The following DOK6 variants were observed in gnomAD, a reference collection of about 807,000 sequenced individuals.
The protein encoded by DOK6 is downstream of tyrosine kinase 6.
Under a neutral mutation model 44.0 loss-of-function variants are expected in DOK6, and 22 were observed. That is an observed-to-expected ratio of 0.50 (90% CI 0.36 to 0.71). The LOEUF (loss-of-function observed/expected upper bound fraction) is 0.71. DOK6 is among the 30% of genes least tolerant of loss of function. The pLI is 0.00. For missense variants in DOK6, 340 were observed against 416.4 expected (o/e 0.82, Z 1.60); for synonymous variants, 166 against 145.5 (o/e 1.14, Z -1.01).
intron 5 of DOK6, among the ~76,000 whole-genome samples, chr18:69,735,990 G>A (rs748447089): frequency 6.6e-6 from 1 of 152,196 alleles, no homozygotes; most frequent in Non-Finnish European, 1.5e-5. Flanking sequence ...TTTTATAGGT[G>A]AGAAGTTAAT....
At chr18:69,668,850 CTACTCAA>C (rs1240195668) in intron 3 of DOK6, among the ~76,000 whole-genome samples, 1 of 152,182 alleles carries the variant, frequency 6.6e-6, no homozygotes, top group Non-Finnish European at 1.5e-5. Flanking sequence ...CAGCATCTGA[CTACTCAA>C]TAGTTAACAG....
rs533783860 is a variant in DOK6, at chr18:69,504,539, A to G, written c.67-59948A>G. On this transcript the variant is annotated intron_variant, in intron 1 of 7. Transcript: ENST00000382713. ...AGCTAGCTGGGGAATTATATGTACTAGTAACATTTTGCATCCAACGAATAT... is the reference window on the plus strand; with the variant it reads ...AGCTAGCTGGGGAATTATATGTACTGGTAACATTTTGCATCCAACGAATAT... Among the ~76,000 whole-genome samples the G allele has an allele frequency of 9.7e-4, 148 of 152,304 alleles. 1 individual carries two copies. The highest frequency in any genetic ancestry group is 2.7e-3 in the Admixed American group (41 of 15,302).
At position 69,509,500 on chromosome 18, in the gene DOK6, T is replaced by A. The variant is rs759610861; in HGVS notation, c.67-54987T>A. Among the ~76,000 whole-genome samples the A allele has an allele frequency of 4.0e-5, 6 of 151,102 alleles. No individual in the cohort carries two copies. The South Asian group carries it at 1.0e-3, about 26-fold the overall frequency. On this transcript the variant is annotated intron_variant, in intron 1 of 7. Transcript: ENST00000382713. ...AAAAATAGAAAAAATTAGCCGGGCG[T>A]GGTGGCGGGCGCCTTTAGTCCCAGC...
At chr18:69,768,057 C>T (rs1254916195) in intron 7 of DOK6, among the ~76,000 whole-genome samples, 2 of 152,230 alleles carry the variant, frequency 1.3e-5, no homozygotes, top group East Asian at 1.9e-4. Context: ...CTCCATCAAG[C>T]TTCCCCTACT....
At chr18:69,577,008 G>A (rs953083882) in intron 2 of DOK6, among the ~76,000 whole-genome samples, 4 of 152,112 alleles carry the variant, frequency 2.6e-5, no homozygotes, top group Admixed American at 6.6e-5. Flanking sequence ...CCAGAAAAGC[G>A]ATGCTTGTAT....
intron 5 of DOK6, among the ~76,000 whole-genome samples, chr18:69,718,574 G>C (rs1407835420): frequency 6.6e-6 from 1 of 152,136 alleles, no homozygotes; most frequent in Non-Finnish European, 1.5e-5. Flanking sequence ...CTACCATTAT[G>C]AGGCCCCTAT....
chr18:69,729,593 C>T (rs1433053723), intron 5 of DOK6, among the ~76,000 whole-genome samples: 1 of 151,972 alleles, frequency 6.6e-6, no homozygotes, highest in Admixed American at 6.6e-5. Flanking sequence ...GGTAGATGGG[C>T]ACCAGTAAGA....
chr18:69,475,415 A>C (rs948792995), intron 1 of DOK6, among the ~76,000 whole-genome samples: 2 of 152,224 alleles, frequency 1.3e-5, no homozygotes, highest in Non-Finnish European at 2.9e-5. Context: ...AGACTGAAAA[A>C]ATCAAGAAAT....
chr18:69,676,345 A>G (rs924210962), intron 3 of DOK6, among the ~76,000 whole-genome samples: 2 of 152,246 alleles, frequency 1.3e-5, no homozygotes, highest in African/African-American at 4.8e-5. Flanking sequence ...TTCACATCTC[A>G]TTGATGAAAC....
chr18:69,560,930 A>AT (rs5825955), intron 1 of DOK6, among the ~76,000 whole-genome samples: 1 of 143,694 alleles, frequency 7.0e-6, no homozygotes, highest in African/African-American at 2.5e-5. Flanking sequence ...TATGCTTTCT[A>AT]TTTAAAAAAT....
chr18:69,532,412 T>C (rs1982010414), intron 1 of DOK6, among the ~76,000 whole-genome samples: 1 of 152,216 alleles, frequency 6.6e-6, no homozygotes, highest in South Asian at 2.1e-4. Flanking sequence ...TTTCTTATTT[T>C]ATAAAAAAGT....
chr18:69,496,795 TG>T (rs1980904668), intron 1 of DOK6, among the ~76,000 whole-genome samples: 1 of 152,206 alleles, frequency 6.6e-6, no homozygotes, highest in Admixed American at 6.5e-5. Flanking sequence ...CCTCACAGAA[TG>T]TGAGAATCTT....
intron 1 of DOK6, among the ~76,000 whole-genome samples, chr18:69,490,988 C>T (rs1321733035): frequency 6.6e-6 from 1 of 152,168 alleles, no homozygotes; most frequent in Non-Finnish European, 1.5e-5. Flanking sequence ...CATTTGCTGC[C>T]GGCAGCGGAG....
chr18:69,707,265 G>T (rs1189067331), intron 5 of DOK6, among the ~76,000 whole-genome samples: 4 of 152,164 alleles, frequency 2.6e-5, no homozygotes. Context: ...ACTGCCCAAG[G>T]TAATTTATAG....
At chr18:69,401,690 T>G (rs1916103626) in intron 1 of DOK6, among the ~76,000 whole-genome samples, 2 of 152,308 alleles carry the variant, frequency 1.3e-5, no homozygotes, top group South Asian at 4.1e-4. Context: ...AACTGCTGTG[T>G]GTGGCGACGC....
At chr18:69,485,881 A>ATGTGTG (rs3044887) in intron 1 of DOK6, among the ~76,000 whole-genome samples, 1,507 of 147,158 alleles carry the variant, frequency 0.01, 9 homozygotes, top group African/African-American at 0.02. Flanking sequence ...ATACGTATAT[A>ATGTGTG]TGTGTGTGTG....
At chr18:69,656,380 T>A (rs1985368680) in intron 3 of DOK6, among the ~76,000 whole-genome samples, 1 of 152,170 alleles carries the variant, frequency 6.6e-6, no homozygotes, top group Non-Finnish European at 1.5e-5. Flanking sequence ...AAGATGCAAA[T>A]CACAATGATG....
At position 69,501,751 on chromosome 18, in the gene DOK6, G is replaced by A. The variant is rs547795127; in HGVS notation, c.67-62736G>A. Among the ~76,000 whole-genome samples, 4 of 152,174 alleles carry A rather than the reference G, an allele frequency of 2.6e-5. No individual in the cohort carries two copies. The South Asian group carries it at 8.3e-4, about 32-fold the overall frequency. On this transcript the variant is annotated intron_variant, in intron 1 of 7. Transcript: ENST00000382713. ...AAACACTTATGTCAGTTCATGTAAT[G>A]ATTCATTTTTTAAATTTCCCACTGA...
intron 1 of DOK6, among the ~76,000 whole-genome samples, chr18:69,509,648 A>AAC (rs1387764173): frequency 6.8e-6 from 1 of 147,986 alleles, no homozygotes; most frequent in Admixed American, 6.7e-5. Flanking sequence ...AAAAAAAAAA[A>AAC]AAAAAAAAAA....
Sources: gnomAD v4.1 joint callset for allele counts (sites outside exome capture counted in the v4.1 genomes callset) on GRCh38, gnomAD v4.1.1 for gene constraint, MANE v1.5 for transcripts, NCBI Gene and HGNC (gene_info 2026-07-23, HGNC 2026-07-21) for gene names.